Variants in PHF19 observed in about 807,000 individuals in gnomAD.
PHF19 encodes PHD finger protein 19, also known as polycomb like 3.
PHF19 carries 21 observed loss-of-function variants against 79.8 expected under a neutral mutation model. The observed-to-expected ratio is 0.26, with a 90% CI of 0.19 to 0.38. The LOEUF is 0.38. Ranked by LOEUF, PHF19 falls within the 10% of genes least tolerant of loss-of-function variation. The pLI is 1.00. For missense variants in PHF19, 445 were observed against 744.2 expected (o/e 0.60, Z 4.68); for synonymous variants, 273 against 296.3 (o/e 0.92, Z 0.81).
Position 120,862,655 on chromosome 9 carries a change from T to G in PHF19, c.1063A>C (p.Lys355Gln). The G allele has an allele frequency of 6.2e-7, 1 of 1,614,210 alleles. No homozygotes were observed. Among genetic ancestry groups the G allele is most frequent in the Non-Finnish European group, 8.5e-7 (1 of 1,180,024 alleles). Reference protein sequence around the residue: ...PNPPGKLLPDKGLLPNENSAS... With the variant: ...PNPPGKLLPDQGLLPNENSAS... ...CTGTTCTCATTTGGCAGCAGTCCTTTGTCAGGCAGCAGCTTCCCTGGCGGG... is the reference window on the plus strand; with the variant it reads ...CTGTTCTCATTTGGCAGCAGTCCTTGGTCAGGCAGCAGCTTCCCTGGCGGG... The change falls in exon 11 of 15, where the codon AAA becomes CAA. Residue 355 changes from lysine (K) to glutamine (Q), a missense_variant. This residue lies in a region of PHF19 where 83 missense variants were observed against 85.5 expected (regional missense o/e 0.97). Transcript: ENST00000373896. This position sits in a 1 kb window ranked among gnomAD's most constrained non-coding sequence, Gnocchi z 4.6.
Position 120,874,706 on chromosome 9 carries a change from G to A in PHF19, c.36C>T (p.Asp12=). 1 of 1,613,714 alleles carries A rather than the reference G, an allele frequency of 6.2e-7. No homozygotes were observed. The highest frequency in any genetic ancestry group is 8.5e-7 in the Non-Finnish European group (1 of 1,179,614). ...ENRALDPGTR[D]SYGATSHLPN... ...GGAGGTGGCTGGTGGCACCATAGGA[G>A]TCCCGAGTCCCTGGATCCAGAGCTC... Residue 12 remains aspartate, a synonymous_variant, in exon 2 of 15, where the codon GAC becomes GAT. Transcript: ENST00000373896. This position sits in a 1 kb window ranked among gnomAD's most constrained non-coding sequence, Gnocchi z 4.5.
Position 120,869,113 on chromosome 9 carries a change from G to A in PHF19, c.614+69C>T. ...CTGACACGCCAGGCTCGCTCCCTAT[G>A]GGCGGTCCCTGCTGGCGATTCTTGG... On this transcript the variant is annotated intron_variant, in intron 6 of 14. Coordinates refer to ENST00000373896, the MANE Select transcript of PHF19 (RefSeq NM_015651.3). The surrounding 1 kb of genome is among the most constrained non-coding windows in gnomAD (Gnocchi z 5.8). 1 of 1,492,078 alleles carries A rather than the reference G, an allele frequency of 6.7e-7. No individual in the cohort carries two copies. The highest frequency in any genetic ancestry group is 9.0e-7 in the Non-Finnish European group (1 of 1,109,348). The allele number at this position is 1,492,078 out of a possible 1,614,324, so 92.4% of individuals were successfully genotyped here.
At chr9:120,888,006 T>C (rs915327492) in intron 1 of PHF19, among the ~76,000 whole-genome samples, 3 of 152,174 alleles carry the variant, frequency 2.0e-5, no homozygotes, top group African/African-American at 7.2e-5. Flanking sequence ...TCCCCACACG[T>C]CTGTCGCCCA....
rs879066477 is a variant in PHF19, at chr9:120,874,889, G to A, written c.-15-133C>T. The A allele has an allele frequency of 1.5e-5, 9 of 609,380 alleles. No individual in the cohort carries two copies. Among genetic ancestry groups the A allele is most frequent in the South Asian group, 1.9e-5 (1 of 51,484 alleles). The allele number at this position is 609,380 out of a possible 1,614,324, so 37.7% of individuals were successfully genotyped here. ...TTGGTTATTATCTCACTGATTCCTC[G>A]TGACCATCCTATGAGGGAGACATTA... On this transcript the variant is annotated intron_variant, in intron 1 of 14. Coordinates refer to ENST00000373896, the MANE Select transcript of PHF19 (RefSeq NM_015651.3). This position sits in a 1 kb window ranked among gnomAD's most constrained non-coding sequence, Gnocchi z 4.5.
chr9:120,896,601 G>A (rs371675839), upstream of PHF19, among the ~76,000 whole-genome samples: 4 of 151,880 alleles, frequency 2.6e-5, no homozygotes, highest in East Asian at 1.9e-4. Context: ...ACAGGCACGC[G>A]CCACCACGCC....
At chr9:120,876,429 G>GGGCGGGGGCCCCCGGGTGGC (rs1434958079) in intron 1 of PHF19, 3 of 151,982 alleles carry the variant, frequency 2.0e-5, no homozygotes, top group Non-Finnish European at 2.9e-5. Flanking sequence ...CACCCTGGCC[G>GGGCGGGGGCCCCCGGGTGGC]GGCGGGGGCC....
chr9:120,887,809 C>T (rs921237636), intron 1 of PHF19, among the ~76,000 whole-genome samples: 1 of 152,094 alleles, frequency 6.6e-6, no homozygotes, highest in Non-Finnish European at 1.5e-5. Context: ...CTTCCACTTA[C>T]GGTATTGGAG....
chr9:120,896,437 C>CTTTTTT (rs58824573), upstream of PHF19, among the ~76,000 whole-genome samples: 1 of 124,040 alleles, frequency 8.1e-6, no homozygotes, highest in Non-Finnish European at 1.6e-5. Flanking sequence ...TTGTATGGTT[C>CTTTTTT]TTTTTTTTTT....
Position 120,874,818 on chromosome 9 carries a change from G to A in PHF19, c.-15-62C>T. 1 of 1,109,594 alleles carries A rather than the reference G, an allele frequency of 9.0e-7. No homozygotes were observed. The highest frequency in any genetic ancestry group is 1.3e-6 in the Non-Finnish European group (1 of 747,970). 68.7% of individuals were successfully genotyped at this position (1,109,594 alleles called of 1,614,324 possible). ...CCCTGCTTCAGAAAGCCCATCAGGG[G>A]AAGGAAGGAAACCACCATTTCTGTA... On this transcript the variant is annotated intron_variant, in intron 1 of 14. Coordinates refer to ENST00000373896, the MANE Select transcript of PHF19 (RefSeq NM_015651.3). This position sits in a 1 kb window ranked among gnomAD's most constrained non-coding sequence, Gnocchi z 4.5.
upstream of PHF19, among the ~76,000 whole-genome samples, chr9:120,898,308 G>A (rs10760124): frequency 0.45 from 67,989 of 152,104 alleles, 18,000 homozygotes; most frequent in South Asian, 0.69. Context: ...GTAGAGATGG[G>A]GTTTTGCCAT....
At chr9:120,903,612 G>C in the PHF19 span, 1 of 152,548 alleles carries the variant, frequency 6.6e-6, no homozygotes, top group East Asian at 1.9e-4. Context: ...GAGTAGTAGG[G>C]TCCTGACTTG....
chr9:120,892,461 A>C (rs532513045), intron 1 of PHF19, among the ~76,000 whole-genome samples: 1 of 152,124 alleles, frequency 6.6e-6, no homozygotes, highest in South Asian at 2.1e-4. Context: ...CTTCATGCCA[A>C]CTCTCTAAAA....
chr9:120,863,307 A>G (rs748556894), intron 10 of PHF19, among the ~76,000 whole-genome samples: 1 of 151,494 alleles, frequency 6.6e-6, no homozygotes, highest in Admixed American at 6.6e-5. Flanking sequence ...TGTGGAAGAG[A>G]GAGTGGATAA....
upstream of PHF19, among the ~76,000 whole-genome samples, chr9:120,882,101 G>A (rs142539764): frequency 3.2e-3 from 481 of 152,336 alleles, 1 homozygote; most frequent in African/African-American, 0.01. Context: ...GGTGAGCCAG[G>A]TGTGGCAGGC....
At chr9:120,888,616 G>A (rs1280719510) in intron 1 of PHF19, among the ~76,000 whole-genome samples, 1 of 152,188 alleles carries the variant, frequency 6.6e-6, no homozygotes, top group Non-Finnish European at 1.5e-5. Context: ...TGGAGACCAA[G>A]GGCCTTGTAT....
chr9:120,895,811 C>T (rs1304750696), upstream of PHF19, among the ~76,000 whole-genome samples: 2 of 152,238 alleles, frequency 1.3e-5, no homozygotes, highest in Admixed American at 1.3e-4. Flanking sequence ...CACCACCACA[C>T]CCAGCTAATT....
At chr9:120,880,272 A>G (rs1321996447), upstream of PHF19, among the ~76,000 whole-genome samples, 2 of 152,260 alleles carry the variant, frequency 1.3e-5, no homozygotes, top group Non-Finnish European at 2.9e-5. Context: ...AGGCAGGTGG[A>G]TCACTTGAGG....
chr9:120,857,574 C>T lies in PHF19; in HGVS notation c.*370G>A, dbSNP rs990111170. 24 of 196,170 alleles carry T rather than the reference C, an allele frequency of 1.2e-4. No individual in the cohort carries two copies. The highest frequency in any genetic ancestry group is 5.1e-4 in the African/African-American group (22 of 43,292). 12.2% of individuals were successfully genotyped at this position (196,170 alleles called of 1,614,324 possible). ...GACAGCTGTGCACACACAGGATGTGCGAACACACCCAGAAAGGGGCGAGAG... is the reference window on the plus strand; with the variant it reads ...GACAGCTGTGCACACACAGGATGTGTGAACACACCCAGAAAGGGGCGAGAG... On this transcript the variant is annotated 3_prime_UTR_variant, in exon 15 of 15. Transcript: ENST00000373896.
At chr9:120,892,002 G>A (rs951081907) in intron 1 of PHF19, among the ~76,000 whole-genome samples, 7 of 152,180 alleles carry the variant, frequency 4.6e-5, no homozygotes, top group African/African-American at 1.4e-4. Flanking sequence ...GGGACCATGC[G>A]GGGACTGGAA....
Sources: allele counts gnomAD v4.1 joint callset (sites outside exome capture counted in the v4.1 genomes callset), GRCh38; gene constraint gnomAD v4.1.1; regional missense constraint gnomAD v4.1.1; non-coding constraint Gnocchi (gnomAD v3.1); transcripts MANE v1.5; gene names NCBI Gene and HGNC (gene_info 2026-07-23, HGNC 2026-07-21).